The following NCK2 variants were observed in gnomAD, a reference collection of about 807,000 sequenced individuals.
NCK2 encodes cytoplasmic protein NCK2.
NCK2 carries 16 observed loss-of-function variants against 33.9 expected under a neutral mutation model. That is an observed-to-expected ratio of 0.47 (90% CI 0.32 to 0.72). The LOEUF (loss-of-function observed/expected upper bound fraction) is 0.72, where lower values mean the gene tolerates loss of function less well. Ranked by LOEUF, NCK2 falls within the 30% of genes least tolerant of loss-of-function variation. The pLI is 0.03. For synonymous variants in NCK2, 273 were observed against 239.9 expected (o/e 1.14, Z -1.27); for missense variants, 418 against 537.3 (o/e 0.78, Z 2.19).
chr2:105,891,687 A>G (rs1678992885), intron 4 of NCK2, among the ~76,000 whole-genome samples: 1 of 151,798 alleles, frequency 6.6e-6, no homozygotes, highest in South Asian at 2.1e-4. Context: ...CTGGGATTAC[A>G]GGCACACTAC....
At chr2:105,806,398 C>T (rs1309390188) in intron 1 of NCK2, among the ~76,000 whole-genome samples, 4 of 152,016 alleles carry the variant, frequency 2.6e-5, no homozygotes, top group East Asian at 1.9e-4. Context: ...CCACCACGTC[C>T]GGCTAACTTT....
At chr2:105,763,310 C>T (rs1265912754) in intron 1 of NCK2, among the ~76,000 whole-genome samples, 2 of 152,160 alleles carry the variant, frequency 1.3e-5, no homozygotes, top group Non-Finnish European at 2.9e-5. Flanking sequence ...CCTCTGATGA[C>T]CGAGCTGCTG....
At chr2:105,882,121 G>A (rs1678528985) in intron 4 of NCK2, 72 bp downstream of exon 4, 3 of 1,400,936 alleles carry the variant, frequency 2.1e-6, no homozygotes, top group East Asian at 2.6e-5. Context: ...TGTGTGCCGC[G>A]CCCTTTTCAC....
At position 105,881,432 on chromosome 2, in the gene NCK2, G is replaced by A. The variant is rs766256305; in HGVS notation, c.331G>A (p.Asp111Asn). Residue 111 changes from aspartate to asparagine, a missense_variant, in exon 4 of 5, where the codon GAC becomes AAC. Physicochemically the swap from Asp to Asn is conservative, Grantham distance 23. Coordinates refer to ENST00000233154, the MANE Select transcript of NCK2 (RefSeq NM_003581.5). ...ANGSGADRIY[D>N]LNIPAFVKFA... ...TGGCAGCGGCGCCGACCGCATCTAC[G>A]ACCTCAACATCCCGGCCTTCGTCAA... The A allele has an allele frequency of 6.2e-6, 10 of 1,613,250 alleles. No individual in the cohort carries two copies. The highest frequency in any genetic ancestry group is 1.7e-5 in the Admixed American group (1 of 60,014).
chr2:105,870,947 G>A (rs1314178157), intron 3 of NCK2, among the ~76,000 whole-genome samples: 1 of 151,922 alleles, frequency 6.6e-6, no homozygotes, highest in Non-Finnish European at 1.5e-5. Context: ...TTGGTGGAAG[G>A]GAAGGAGGAA....
At chr2:105,746,262 C>T (rs1234905489) in intron 1 of NCK2, among the ~76,000 whole-genome samples, 1 of 152,186 alleles carries the variant, frequency 6.6e-6, no homozygotes, top group African/African-American at 2.4e-5. Context: ...TAAAATATCG[C>T]AAGGGCCAGC....
chr2:105,881,623 G>A lies in NCK2; in HGVS notation c.522G>A (p.Ala174=), dbSNP rs752440879. The A allele has an allele frequency of 5.6e-6, 9 of 1,613,674 alleles. No individual in the cohort carries two copies. The Admixed American group carries it at 1.3e-4, about 24-fold the overall frequency. Residue 174 remains alanine (A), a synonymous_variant, in exon 4 of 5, where the codon GCG becomes GCA. Coordinates refer to ENST00000233154, the MANE Select transcript of NCK2 (RefSeq NM_003581.5). ...YVLEEVDEAA[A]ESPSFLSLRK... is the part of the protein sequence containing the mutation. ...TGGAGGAGGTGGACGAGGCGGCTGC[G>A]GAGTCCCCAAGCTTCCTGAGCCTGC...
intron 1 of NCK2, among the ~76,000 whole-genome samples, chr2:105,803,658 C>A (rs914973422): frequency 6.6e-6 from 1 of 152,112 alleles, no homozygotes; most frequent in Admixed American, 6.5e-5. Context: ...AGCTTCACAC[C>A]CAGGTTAGTC....
In NCK2 at chr2:105,835,388, C is replaced by CGTATATATAT; in HGVS notation, c.-17+18775_-17+18776insGTATATATAT. 3.5e-4 allele frequency among the ~76,000 whole-genome samples: 18 copies of CGTATATATAT among 52,108 alleles called. 2 individuals are homozygous for CGTATATATAT. The highest frequency in any genetic ancestry group is 1.4e-3 in the South Asian group (2 of 1,382). The allele number at this position is 52,108 out of a possible 152,430, so 34.2% of individuals were successfully genotyped here. Reference sequence around the variant, plus strand: ...TTATATATATATACATATATATACACATATATATATATATATACGTGTATA... The same window carrying CGTATATATAT: ...TTATATATATATACATATATATACACGTATATATATATATATATATATATATACGTGTATA... On this transcript the variant is annotated intron_variant, in intron 2 of 4. Coordinates refer to ENST00000233154, the MANE Select transcript of NCK2 (RefSeq NM_003581.5).
intron 3 of NCK2, among the ~76,000 whole-genome samples, chr2:105,862,606 AG>A (rs1677583216): frequency 6.6e-6 from 1 of 152,216 alleles, no homozygotes; most frequent in Non-Finnish European, 1.5e-5. Context: ...TCTTTGTTTT[AG>A]AAATGAGAAA....
Position 105,893,719 on chromosome 2 carries a change from G to C in NCK2, c.*543G>C, listed in dbSNP as rs533403253. ...AGTGAGGAGACTGCCCAGTGCCTTT[G>C]GGGCTGTGCTTGCAATAAAGAATTT... On this transcript the variant is annotated 3_prime_UTR_variant, in exon 5 of 5. Coordinates refer to ENST00000233154, the MANE Select transcript of NCK2 (RefSeq NM_003581.5). 2 of 80,320 alleles carry C rather than the reference G, an allele frequency of 2.5e-5. No homozygotes were observed. Among genetic ancestry groups the C allele is most frequent in the East Asian group, 8.1e-4 (2 of 2,462 alleles). The allele number at this position is 80,320 out of a possible 1,614,324, so 5.0% of individuals were successfully genotyped here. A position where few individuals can be genotyped will look rare whatever the true frequency, so the allele number is the denominator to read the frequency against.
In NCK2 at chr2:105,772,042, T is replaced by TAAGCTGCGTCCTGCCTGC. The variant is rs1170422761; in HGVS notation, c.-201+26921_-201+26922insCAAGCTGCGTCCTGCCTG. ...TCTGAGTCTTTGAGAACTCAGCTTG[T>TAAGCTGCGTCCTGCCTGC]AAGCTGCGTCCTGCCTGTGGAACTG... is the stretch of plus-strand genomic sequence containing the variant. On this transcript the variant is annotated intron_variant, in intron 1 of 4. Transcript: ENST00000233154. 7.9e-5 allele frequency among the ~76,000 whole-genome samples: 12 copies of TAAGCTGCGTCCTGCCTGC among 152,192 alleles called. No individual in the cohort carries two copies. The East Asian group carries it at 1.9e-3, about 24-fold the overall frequency.
At chr2:105,760,662 G>C (rs1449703467) in intron 1 of NCK2, among the ~76,000 whole-genome samples, 2 of 151,916 alleles carry the variant, frequency 1.3e-5, no homozygotes, top group Non-Finnish European at 2.9e-5. Context: ...CCTTCTTTTG[G>C]TGGGCCCAGA....
intron 4 of NCK2, among the ~76,000 whole-genome samples, chr2:105,892,506 A>G (rs960969838): frequency 1.3e-5 from 2 of 151,400 alleles, no homozygotes; most frequent in African/African-American, 2.4e-5. Flanking sequence ...GACTACCTCC[A>G]GGTCTTTCTG....
chr2:105,753,241 T>A (rs1272491643), intron 1 of NCK2, among the ~76,000 whole-genome samples: 1 of 152,120 alleles, frequency 6.6e-6, no homozygotes, highest in Non-Finnish European at 1.5e-5. Context: ...AGCCAAGTGG[T>A]TGGGGAAGGC....
At chr2:105,748,467 C>G (rs1488638195) in intron 1 of NCK2, among the ~76,000 whole-genome samples, 4 of 152,304 alleles carry the variant, frequency 2.6e-5, no homozygotes, top group South Asian at 4.1e-4. Context: ...TCACTGCATC[C>G]TCGAGCTTCT....
At chr2:105,872,306 C>T (rs1678048063) in intron 3 of NCK2, among the ~76,000 whole-genome samples, 1 of 152,164 alleles carries the variant, frequency 6.6e-6, no homozygotes, top group African/African-American at 2.4e-5. Flanking sequence ...TGCCCTGTGC[C>T]CTTGCTGTTC....
chr2:105,853,575 C>T (rs537853681), intron 2 of NCK2, among the ~76,000 whole-genome samples: 59 of 152,250 alleles, frequency 3.9e-4, no homozygotes, highest in African/African-American at 1.4e-3. Flanking sequence ...CACTTATTTT[C>T]TTACTGTCTC....
intron 3 of NCK2, among the ~76,000 whole-genome samples, chr2:105,880,561 G>C (rs1678429262): frequency 6.6e-6 from 1 of 152,166 alleles, no homozygotes; most frequent in Non-Finnish European, 1.5e-5. Flanking sequence ...GGGCAGGGCA[G>C]GTTATACAGG....
Sources: gnomAD v4.1 joint callset for allele counts (sites outside exome capture counted in the v4.1 genomes callset) on GRCh38, gnomAD v4.1.1 for gene constraint, MANE v1.5 for transcripts, NCBI Gene and HGNC (gene_info 2026-07-23, HGNC 2026-07-21) for gene names.